Variants in ADAMTS6 observed in about 807,000 individuals in gnomAD.
The protein encoded by ADAMTS6 is ADAM metallopeptidase with thrombospondin type 1 motif 6, also known as A disintegrin and metalloproteinase with thrombospondin motifs 6.
Under a neutral mutation model 144.3 loss-of-function variants are expected in ADAMTS6, and 23 were observed. The ratio of observed to expected loss-of-function variants is 0.16; its 90% CI spans 0.11 to 0.23. The LOEUF (loss-of-function observed/expected upper bound fraction) is 0.23. Among genes scored for constraint, ADAMTS6 ranks in the 10% least tolerant of loss-of-function variants. The pLI is 1.00. For synonymous variants in ADAMTS6, 444 were observed against 457.5 expected, an observed-to-expected ratio of 0.97 and a Z score of 0.38; for missense variants, 999 against 1,379.6, an observed-to-expected ratio of 0.72 and a Z score of 4.37.
chr5:65,160,176 G>T (rs752566334), intron 24 of ADAMTS6, among the ~76,000 whole-genome samples: 8 of 152,148 alleles, frequency 5.3e-5, no homozygotes, highest in Non-Finnish European at 1.2e-4. Context: ...CTGTCTTGGG[G>T]TAGAGTTGAA....
chr5:65,299,630 G>GT (rs950495123), intron 10 of ADAMTS6, among the ~76,000 whole-genome samples: 4 of 151,846 alleles, frequency 2.6e-5, no homozygotes, highest in African/African-American at 9.7e-5. Context: ...ATAGAACTCA[G>GT]TTTTTTCACT....
intron 11 of ADAMTS6, among the ~76,000 whole-genome samples, chr5:65,282,853 T>C (rs1479923849): frequency 6.6e-6 from 1 of 152,102 alleles, no homozygotes; most frequent in Non-Finnish European, 1.5e-5. Context: ...GGAATAACCT[T>C]GGCCAAGAAG....
At chr5:65,390,637 T>C (rs1752835994) in intron 7 of ADAMTS6, among the ~76,000 whole-genome samples, 1 of 152,252 alleles carries the variant, frequency 6.6e-6, no homozygotes, top group Admixed American at 6.5e-5. Flanking sequence ...TTTTTCATAC[T>C]GTACATGTGA....
chr5:65,289,665 T>G, intron 11 of ADAMTS6, among the ~76,000 whole-genome samples: 1 of 152,330 alleles, frequency 6.6e-6, no homozygotes, highest in Non-Finnish European at 1.5e-5. Flanking sequence ...AGTCAAATTT[T>G]TATTAATTTA....
intron 7 of ADAMTS6, among the ~76,000 whole-genome samples, chr5:65,421,065 T>TGTA (rs1755994572): frequency 6.6e-6 from 1 of 152,222 alleles, no homozygotes; most frequent in Non-Finnish European, 1.5e-5. Context: ...AACATTTACA[T>TGTA]TCAATGTTAA....
chr5:65,210,750 C>T (rs1238280154), intron 20 of ADAMTS6: 1 of 639,446 alleles, frequency 1.6e-6, no homozygotes, highest in East Asian at 3.0e-5. Flanking sequence ...ACATGTGCTA[C>T]TTAATGGAGG....
chr5:65,472,230 G>A (rs1015433611), intron 2 of ADAMTS6, among the ~76,000 whole-genome samples: 1 of 150,912 alleles, frequency 6.6e-6, no homozygotes, highest in African/African-American at 2.5e-5. Flanking sequence ...CCAGAATAGG[G>A]AAATCTCTAC....
intron 22 of ADAMTS6, among the ~76,000 whole-genome samples, chr5:65,183,687 T>C (rs918547339): frequency 2.0e-5 from 3 of 151,990 alleles, no homozygotes; most frequent in African/African-American, 7.2e-5. Flanking sequence ...AAAAGCAAGA[T>C]GAGCCACGGT....
intron 7 of ADAMTS6, among the ~76,000 whole-genome samples, chr5:65,347,363 TG>T (rs1416103676): frequency 5.9e-5 from 9 of 152,008 alleles, no homozygotes; most frequent in Non-Finnish European, 8.8e-5. Flanking sequence ...TATACTCAAT[TG>T]ATCTTTGATA....
At chr5:65,195,713 G>GTT (rs2112217234) in intron 21 of ADAMTS6, among the ~76,000 whole-genome samples, 1 of 152,252 alleles carries the variant, frequency 6.6e-6, no homozygotes, top group Admixed American at 6.5e-5. Context: ...TCATTATAAA[G>GTT]TTTTTCTCTC....
chr5:65,370,742 G>A (rs1446298416), intron 7 of ADAMTS6, among the ~76,000 whole-genome samples: 2 of 152,246 alleles, frequency 1.3e-5, no homozygotes, highest in African/African-American at 4.8e-5. Flanking sequence ...AAACAAAGCA[G>A]AGGGGAAGCT....
chr5:65,220,144 G>T (rs968465433), intron 18 of ADAMTS6, among the ~76,000 whole-genome samples: 3 of 152,142 alleles, frequency 2.0e-5, no homozygotes, highest in Admixed American at 1.3e-4. Context: ...CATATAAGGT[G>T]TGTTTTCTGT....
intron 20 of ADAMTS6, among the ~76,000 whole-genome samples, chr5:65,211,885 T>TG (rs1260084862): frequency 6.6e-6 from 1 of 152,134 alleles, no homozygotes; most frequent in African/African-American, 2.4e-5. Flanking sequence ...CTCAATAAGG[T>TG]GCACTTATTG....
At chr5:65,186,810 A>T (rs930676882) in intron 22 of ADAMTS6, among the ~76,000 whole-genome samples, 1 of 152,192 alleles carries the variant, frequency 6.6e-6, no homozygotes, top group African/African-American at 2.4e-5. Context: ...TATGGCTAGG[A>T]AACTTGGAAG....
intron 7 of ADAMTS6, among the ~76,000 whole-genome samples, chr5:65,422,452 T>C (rs1756132223): frequency 6.6e-6 from 1 of 152,070 alleles, no homozygotes; most frequent in Non-Finnish European, 1.5e-5. Context: ...TGAAACCCTG[T>C]TGCTACTAAA....
intron 9 of ADAMTS6, among the ~76,000 whole-genome samples, chr5:65,324,454 T>G (rs1745971582): frequency 6.6e-6 from 1 of 151,992 alleles, no homozygotes; most frequent in Non-Finnish European, 1.5e-5. Context: ...AGTTTCTGCT[T>G]TTCATAAGGC....
intron 7 of ADAMTS6, among the ~76,000 whole-genome samples, chr5:65,399,763 C>T (rs1753766648): frequency 6.6e-6 from 1 of 152,008 alleles, no homozygotes; most frequent in Admixed American, 6.6e-5. Flanking sequence ...CAAATTGTTG[C>T]TATTATCATT....
At chr5:65,381,529 ATTTTTTTTTTTT>A (rs748143650) in intron 7 of ADAMTS6, among the ~76,000 whole-genome samples, 19 of 103,132 alleles carry the variant, frequency 1.8e-4, no homozygotes, top group African/African-American at 5.2e-4. Context: ...TGCCTGGCTA[ATTTTTTTTTTTT>A]TTTTTTTTTT....
At chr5:65,255,360 C>A (rs1329973837) in intron 14 of ADAMTS6, among the ~76,000 whole-genome samples, 2 of 152,040 alleles carry the variant, frequency 1.3e-5, no homozygotes, top group Non-Finnish European at 2.9e-5. Context: ...TGAGATTCTG[C>A]AGCGGACACT....
Sources: allele counts gnomAD v4.1 joint callset (sites outside exome capture counted in the v4.1 genomes callset), GRCh38; gene constraint gnomAD v4.1.1; transcripts MANE v1.5; gene names NCBI Gene and HGNC (gene_info 2026-07-23, HGNC 2026-07-21).